IL17RD: variants seen among roughly 807,000 people sequenced by gnomAD.
IL17RD encodes the protein interleukin 17 receptor D.
A neutral mutation model predicts 80.5 loss-of-function variants in IL17RD; 52 were observed. The observed-to-expected ratio is 0.65, with a 90% CI of 0.52 to 0.81. The LOEUF (loss-of-function observed/expected upper bound fraction) is 0.81. IL17RD is among the 40% of genes least tolerant of loss of function. The pLI is 0.00. For missense variants in IL17RD, 1,024 were observed against 955.1 expected (o/e 1.07, Z -0.95); for synonymous variants, 416 against 391.8 (o/e 1.06, Z -0.73).
At chr3:57,128,796 A>G (rs1249083717) in intron 1 of IL17RD, among the ~76,000 whole-genome samples, 1 of 152,128 alleles carries the variant, frequency 6.6e-6, no homozygotes, top group East Asian at 1.9e-4. Flanking sequence ...ACACACACAC[A>G]CGCAATGCAC....
chr3:57,111,003 C>A (rs747378207), intron 3 of IL17RD, among the ~76,000 whole-genome samples: 2 of 152,232 alleles, frequency 1.3e-5, no homozygotes, highest in Admixed American at 6.5e-5. Flanking sequence ...TGAGCTCCCC[C>A]CACTGCACGT....
chr3:57,137,297 T>C (rs1488122), intron 1 of IL17RD, among the ~76,000 whole-genome samples: 1,882 of 152,244 alleles, frequency 0.012, 43 homozygotes, highest in African/African-American at 0.043. Context: ...AGGGCTGAAA[T>C]AGCCAAGTGG....
At chr3:57,100,108 G>A (rs1423674902) in intron 11 of IL17RD, among the ~76,000 whole-genome samples, 3 of 152,236 alleles carry the variant, frequency 2.0e-5, no homozygotes, top group African/African-American at 7.2e-5. Flanking sequence ...ACTAATAACT[G>A]GAAGAGCGTT....
intron 1 of IL17RD, among the ~76,000 whole-genome samples, chr3:57,133,437 T>C (rs1707656236): frequency 6.6e-6 from 1 of 152,126 alleles, no homozygotes; most frequent in South Asian, 2.1e-4. Flanking sequence ...ATACACACAA[T>C]GACATACCAA....
chr3:57,108,509 CTTTTTTTTTTT>C (rs34594516), intron 5 of IL17RD, among the ~76,000 whole-genome samples: 3 of 49,154 alleles, frequency 6.1e-5, no homozygotes, highest in Admixed American at 4.0e-4. Flanking sequence ...TGATACATGG[CTTTTTTTTTTT>C]TTTTTTTTTT....
chr3:57,107,107 G>A (rs1302047544), intron 5 of IL17RD, among the ~76,000 whole-genome samples: 1 of 152,116 alleles, frequency 6.6e-6, no homozygotes, highest in Non-Finnish European at 1.5e-5. Flanking sequence ...GGCCGGGCGC[G>A]GTGGCTCATG....
Position 57,101,162 on chromosome 3 carries a change from A to G in IL17RD, c.1164+17T>C. On this transcript the variant is annotated intron_variant, in intron 11 of 12. Coordinates refer to ENST00000296318, the MANE Select transcript of IL17RD (RefSeq NM_017563.5). ...GTGTCCTGGCCAGGGTAGGAGAAGGAACTTTAGATTCCGCACCTCACAGCC... is the reference window on the plus strand; with the variant it reads ...GTGTCCTGGCCAGGGTAGGAGAAGGGACTTTAGATTCCGCACCTCACAGCC... 6.2e-7 allele frequency: 1 copy of G among 1,609,780 alleles called. No homozygotes were observed. The highest frequency in any genetic ancestry group is 8.5e-7 in the Non-Finnish European group (1 of 1,176,846).
intron 2 of IL17RD, among the ~76,000 whole-genome samples, chr3:57,117,038 T>C (rs1579279400): frequency 6.6e-6 from 1 of 152,208 alleles, no homozygotes; most frequent in East Asian, 1.9e-4. Flanking sequence ...CATTGTTTTC[T>C]TTGTTCATTC....
At chr3:57,163,840 G>A (rs997211472) in intron 1 of IL17RD, among the ~76,000 whole-genome samples, 2 of 145,488 alleles carry the variant, frequency 1.4e-5, no homozygotes, top group Non-Finnish European at 3.0e-5. Flanking sequence ...AGGGGTCATA[G>A]CCGTCTCCAT....
chr3:57,142,100 C>A (rs1358123618), intron 1 of IL17RD, among the ~76,000 whole-genome samples: 1 of 152,178 alleles, frequency 6.6e-6, no homozygotes, highest in African/African-American at 2.4e-5. Context: ...AATAACCAAC[C>A]ATAAACTTTT....
chr3:57,127,412 ATT>A (rs58398251), intron 1 of IL17RD, among the ~76,000 whole-genome samples: 8 of 91,190 alleles, frequency 8.8e-5, no homozygotes, highest in African/African-American at 3.4e-4. Context: ...ATATATATAT[ATT>A]TTTTTTTTGA....
intron 1 of IL17RD, among the ~76,000 whole-genome samples, chr3:57,141,210 T>A (rs1379910586): frequency 6.6e-6 from 1 of 152,178 alleles, no homozygotes; most frequent in African/African-American, 2.4e-5. Context: ...CCGACCCTCA[T>A]AACTTAACCA....
chr3:57,111,596 G>A (rs938976971), intron 3 of IL17RD, among the ~76,000 whole-genome samples: 8 of 152,020 alleles, frequency 5.3e-5, no homozygotes, highest in Admixed American at 1.3e-4. Flanking sequence ...TTTAATTTAC[G>A]CAACATTCCC....
chr3:57,164,827 A>G, intron 1 of IL17RD: 4 of 951,982 alleles, frequency 4.2e-6, no homozygotes, highest in Non-Finnish European at 5.2e-6. Context: ...CCCTGGGACG[A>G]AGGAGGTCCC....
chr3:57,145,249 T>G (rs1268905125), intron 1 of IL17RD, among the ~76,000 whole-genome samples: 1 of 152,120 alleles, frequency 6.6e-6, no homozygotes, highest in Non-Finnish European at 1.5e-5. Flanking sequence ...GATTGGGCCC[T>G]AAAAGCTCCT....
At chr3:57,152,356 C>T (rs1268488817) in intron 1 of IL17RD, among the ~76,000 whole-genome samples, 1 of 152,188 alleles carries the variant, frequency 6.6e-6, no homozygotes, top group Non-Finnish European at 1.5e-5. Flanking sequence ...GGACTTGGTG[C>T]CAGAAAAGAA....
intron 3 of IL17RD, among the ~76,000 whole-genome samples, chr3:57,113,674 G>C (rs1252294270): frequency 6.6e-6 from 1 of 152,104 alleles, no homozygotes; most frequent in Non-Finnish European, 1.5e-5. Flanking sequence ...AAGTAGCTAA[G>C]ACTACAGACT....
rs1339981209 is a variant in IL17RD, at chr3:57,091,449, C to T, written c.*4944G>A. ...AGAGGAGCTGGGTGTGCAAGAATTT[C>T]CCCATAATCCCCATCCTGAGCCTCG... On this transcript the variant is annotated 3_prime_UTR_variant, in exon 13 of 13. Coordinates refer to ENST00000296318, the MANE Select transcript of IL17RD (RefSeq NM_017563.5). The T allele has an allele frequency of 2.0e-5, 3 of 152,526 alleles. No homozygotes were observed. Among genetic ancestry groups the T allele is most frequent in the Non-Finnish European group, 4.4e-5 (3 of 68,018 alleles). The allele number at this position is 152,526 out of a possible 1,614,324, so 9.4% of individuals were successfully genotyped here.
intron 3 of IL17RD, among the ~76,000 whole-genome samples, chr3:57,111,736 C>T (rs988498602): frequency 4.6e-5 from 7 of 151,782 alleles, no homozygotes; most frequent in Admixed American, 3.9e-4. Flanking sequence ...TTTGGAAGGC[C>T]GAGGCGGGCG....
Sources: allele counts gnomAD v4.1 joint callset (sites outside exome capture counted in the v4.1 genomes callset), GRCh38; gene constraint gnomAD v4.1.1; transcripts MANE v1.5; gene names NCBI Gene and HGNC (gene_info 2026-07-23, HGNC 2026-07-21).